Variants in ELOVL6 observed in about 807,000 individuals in gnomAD.
ELOVL6 encodes the protein very long chain fatty acid elongase 6.
ELOVL6 carries 8 observed loss-of-function variants against 31.7 expected under a neutral mutation model. The ratio of observed to expected loss-of-function variants is 0.25; its 90% CI spans 0.15 to 0.45. The LOEUF (loss-of-function observed/expected upper bound fraction) is 0.45. Ranked by LOEUF, ELOVL6 falls within the 20% of genes least tolerant of loss-of-function variation. The pLI, the probability that ELOVL6 is intolerant of heterozygous loss-of-function variation, is 1.00. For synonymous variants in ELOVL6, 101 were observed against 117.7 expected, an observed-to-expected ratio of 0.86 and a Z score of 0.92; for missense variants, 126 against 326.4, an observed-to-expected ratio of 0.39 and a Z score of 4.73.
intron 1 of ELOVL6, among the ~76,000 whole-genome samples, chr4:110,134,316 A>G (rs1437672377): frequency 3.3e-5 from 5 of 152,166 alleles, no homozygotes; most frequent in Non-Finnish European, 7.3e-5. Context: ...CCTTCCTTCG[A>G]TACTCCATCA....
In ELOVL6 at chr4:110,090,619, T is replaced by TTTTTTTTTC. The variant is rs1339267305; in HGVS notation, c.221+14877_221+14878insGAAAAAAAA. Among the ~76,000 whole-genome samples the TTTTTTTTTC allele has an allele frequency of 1.5e-3, 221 of 148,608 alleles. 4 individuals carry two copies. The highest frequency in any genetic ancestry group is 5.2e-3 in the African/African-American group (205 of 39,706). On this transcript the variant is annotated intron_variant, in intron 2 of 3. Coordinates refer to ENST00000302274, the MANE Select transcript of ELOVL6 (RefSeq NM_024090.3). ...GACTTTCTTTTTTTTTTTTTTTTTT[T>TTTTTTTTTC]TCATGAGACGGAGTCTCGCTCTGTC...
At chr4:110,137,453 G>A (rs765204527) in intron 1 of ELOVL6, among the ~76,000 whole-genome samples, 1 of 152,140 alleles carries the variant, frequency 6.6e-6, no homozygotes, top group Non-Finnish European at 1.5e-5. Context: ...CTACTGCCTG[G>A]TGAAGGGGCC....
rs10572708 is a variant in ELOVL6 at position 110,198,074 on chromosome 4, A to ACC, written c.89+171_89+172dup. 115 of 433,284 alleles carry ACC rather than the reference A, an allele frequency of 2.7e-4. 1 individual carries two copies. Among genetic ancestry groups the ACC allele is most frequent in the African/African-American group, 2.6e-3 (100 of 38,506 alleles). 26.8% of individuals were successfully genotyped at this position (433,284 alleles called of 1,614,324 possible). A position where few individuals can be genotyped will look rare whatever the true frequency, so the allele number is the denominator to read the frequency against. On this transcript the variant is annotated intron_variant, in intron 1 of 3. Transcript: ENST00000302274. The stretch of plus-strand genomic sequence containing the variant: ...CACCCACAGACCTCGCGCTTCATGT[A>ACC]CCCCCCCCCCCCCAGCGTCTCCTGC...
intron 2 of ELOVL6, among the ~76,000 whole-genome samples, chr4:110,080,511 T>G (rs1057330032): frequency 1.3e-5 from 2 of 152,190 alleles, no homozygotes; most frequent in African/African-American, 4.8e-5. Context: ...TCTCAATAGA[T>G]GCAGAAAAGG....
intron 1 of ELOVL6, among the ~76,000 whole-genome samples, chr4:110,191,825 T>C (rs1348666095): frequency 1.3e-5 from 2 of 152,116 alleles, no homozygotes. Context: ...ATTGATTAGA[T>C]GGTTATTGTA....
intron 1 of ELOVL6, among the ~76,000 whole-genome samples, chr4:110,133,656 GGA>G (rs1297423731): frequency 1.3e-5 from 2 of 152,088 alleles, no homozygotes; most frequent in Non-Finnish European, 2.9e-5. Context: ...AAGTCTGTTT[GGA>G]GAGCAAAGTC....
chr4:110,149,636 A>G (rs974689829), intron 1 of ELOVL6, among the ~76,000 whole-genome samples: 35 of 152,326 alleles, frequency 2.3e-4, no homozygotes, highest in African/African-American at 7.7e-4. Context: ...GTGATAGATG[A>G]TGGCAGGTTG....
intron 1 of ELOVL6, among the ~76,000 whole-genome samples, chr4:110,181,583 G>A (rs1008732598): frequency 6.7e-6 from 1 of 149,792 alleles, no homozygotes; most frequent in Non-Finnish European, 1.5e-5. Flanking sequence ...CAACTTCCTA[G>A]ATCCTAGTTA....
rs531210474 is a variant in ELOVL6 at position 110,163,730 on chromosome 4, G to C, written c.89+34517C>G. On this transcript the variant is annotated intron_variant, in intron 1 of 3. Transcript: ENST00000302274. Reference sequence around the variant, plus strand: ...TCAAAACCTTAAAAGGTTGTATGAAGGTGGCAGCACTGAGTTGGGCTTTCT... The same window carrying C: ...TCAAAACCTTAAAAGGTTGTATGAACGTGGCAGCACTGAGTTGGGCTTTCT... 3.3e-4 allele frequency among the ~76,000 whole-genome samples: 50 copies of C among 152,334 alleles called. No homozygotes were observed. In the South Asian group the frequency reaches 8.5e-3, roughly 26 times the overall value.
At chr4:110,183,876 G>A (rs1759368437) in intron 1 of ELOVL6, among the ~76,000 whole-genome samples, 1 of 152,144 alleles carries the variant, frequency 6.6e-6, no homozygotes, top group Non-Finnish European at 1.5e-5. Context: ...CAGCTATTTG[G>A]AAGGCTGAAG....
intron 2 of ELOVL6, among the ~76,000 whole-genome samples, chr4:110,094,812 C>T (rs1421097950): frequency 6.6e-6 from 1 of 151,960 alleles, no homozygotes; most frequent in Non-Finnish European, 1.5e-5. Flanking sequence ...ATGTCTAGGG[C>T]AGTTGATGCA....
chr4:110,137,973 A>G (rs1757856425), intron 1 of ELOVL6, among the ~76,000 whole-genome samples: 1 of 152,216 alleles, frequency 6.6e-6, no homozygotes. Flanking sequence ...GGACTTGCTT[A>G]TAACTGGCTA....
At chr4:110,113,770 T>C (rs374842613) in intron 1 of ELOVL6, among the ~76,000 whole-genome samples, 6 of 152,188 alleles carry the variant, frequency 3.9e-5, no homozygotes, top group African/African-American at 1.4e-4. Context: ...AAAACTCTTG[T>C]GGCCATTTAA....
intron 1 of ELOVL6, among the ~76,000 whole-genome samples, chr4:110,180,949 C>T: frequency 6.6e-6 from 1 of 152,038 alleles, no homozygotes; most frequent in South Asian, 2.1e-4. Context: ...CCAGCCCAGG[C>T]CCCATAGCAA....
chr4:110,131,368 T>C (rs1453167766), intron 1 of ELOVL6, among the ~76,000 whole-genome samples: 2 of 152,170 alleles, frequency 1.3e-5, no homozygotes, highest in African/African-American at 4.8e-5. Flanking sequence ...CTCAAGTTCA[T>C]ATTATGACAA....
chr4:110,126,288 C>T (rs1486238509), intron 1 of ELOVL6, among the ~76,000 whole-genome samples: 2 of 152,186 alleles, frequency 1.3e-5, no homozygotes, highest in Non-Finnish European at 2.9e-5. Flanking sequence ...AAGGCTGACC[C>T]ACCTGCCTCG....
chr4:110,121,095 G>A (rs1404193554), intron 1 of ELOVL6, among the ~76,000 whole-genome samples: 2 of 152,144 alleles, frequency 1.3e-5, no homozygotes, highest in Non-Finnish European at 2.9e-5. Flanking sequence ...GCCTGTAATG[G>A]GTGGATGTAA....
At chr4:110,167,657 GTATGTATGTA>G (rs1758816090) in intron 1 of ELOVL6, among the ~76,000 whole-genome samples, 1 of 8,716 alleles carries the variant, frequency 1.1e-4, no homozygotes, top group Non-Finnish European at 3.0e-4. Flanking sequence ...CCTCAGTTAT[GTATGTATGTA>G]TGTATGTATG....
At chr4:110,198,138 C>G (rs1444700118) in intron 1 of ELOVL6, 109 bp downstream of exon 1, 10 of 610,728 alleles carry the variant, frequency 1.6e-5, no homozygotes, top group African/African-American at 3.8e-5. Flanking sequence ...AGCTGGCTGC[C>G]CGCGATTCAT....
Sources: gnomAD v4.1 joint callset for allele counts (sites outside exome capture counted in the v4.1 genomes callset) on GRCh38, gnomAD v4.1.1 for gene constraint, MANE v1.5 for transcripts, NCBI Gene and HGNC (gene_info 2026-07-23, HGNC 2026-07-21) for gene names.